ADGRB3: variants seen among roughly 807,000 people sequenced by gnomAD.
ADGRB3 encodes the protein adhesion G protein-coupled receptor B3.
ADGRB3 carries 37 observed loss-of-function variants against 193.4 expected under a neutral mutation model. The observed-to-expected ratio is 0.19, with a 90% CI of 0.15 to 0.25. The LOEUF (loss-of-function observed/expected upper bound fraction) is 0.25. Among genes scored for constraint, ADGRB3 ranks in the 10% least tolerant of loss-of-function variants. The probability of loss-of-function intolerance (pLI) is 1.00; values close to 1 mark genes in which losing one functional copy is unlikely to be tolerated. For missense variants in ADGRB3, 1,637 were observed against 1,852.9 expected (o/e 0.88, Z 2.14); for synonymous variants, 690 against 644.2 (o/e 1.07, Z -1.08).
intron 3 of ADGRB3, among the ~76,000 whole-genome samples, chr6:68,683,570 T>G (rs959060861): frequency 3.9e-5 from 6 of 152,156 alleles, no homozygotes; most frequent in Admixed American, 3.3e-4. Context: ...TTCTACAATA[T>G]GTATTGCTTT....
At chr6:69,011,969 C>T (rs936365653) in intron 11 of ADGRB3, among the ~76,000 whole-genome samples, 3 of 152,034 alleles carry the variant, frequency 2.0e-5, no homozygotes, top group Non-Finnish European at 4.4e-5. Context: ...CATTTGTTGG[C>T]CTTGAAGAAG....
At chr6:69,224,121 A>T (rs963352972) in intron 17 of ADGRB3, among the ~76,000 whole-genome samples, 2 of 152,070 alleles carry the variant, frequency 1.3e-5, no homozygotes, top group African/African-American at 4.8e-5. Context: ...TATATATTTC[A>T]TGTTTTTTCA....
intron 11 of ADGRB3, among the ~76,000 whole-genome samples, chr6:68,998,878 C>A (rs1421886297): frequency 6.6e-6 from 1 of 152,134 alleles, no homozygotes; most frequent in East Asian, 1.9e-4. Flanking sequence ...CCTCTAAGAT[C>A]CTATTCTTTC....
chr6:69,373,209 C>T (rs1769742537), intron 30 of ADGRB3, among the ~76,000 whole-genome samples: 1 of 151,914 alleles, frequency 6.6e-6, no homozygotes, highest in African/African-American at 2.4e-5. Context: ...TATATTTCTC[C>T]AGTATATTTG....
intron 17 of ADGRB3, among the ~76,000 whole-genome samples, chr6:69,130,757 T>A (rs1773987429): frequency 6.6e-6 from 1 of 152,008 alleles, no homozygotes; most frequent in South Asian, 2.1e-4. Context: ...CCAATGTGGA[T>A]CAGTATCTCA....
chr6:68,841,033 A>G (rs186154655), intron 3 of ADGRB3, among the ~76,000 whole-genome samples: 271 of 152,306 alleles, frequency 1.8e-3, no homozygotes, highest in African/African-American at 5.8e-3. Flanking sequence ...TAAAAGGGAT[A>G]ATTCATCCAG....
intron 8 of ADGRB3, among the ~76,000 whole-genome samples, chr6:68,966,036 A>G (rs951531273): frequency 1.3e-5 from 2 of 152,030 alleles, no homozygotes; most frequent in African/African-American, 2.4e-5. Context: ...ACTCAAAACT[A>G]TTTTCGGCAT....
At chr6:68,953,732 T>G (rs1767993213) in intron 6 of ADGRB3, among the ~76,000 whole-genome samples, 1 of 152,176 alleles carries the variant, frequency 6.6e-6, no homozygotes, top group Admixed American at 6.5e-5. Context: ...TCATAAAGGG[T>G]TTATTAAGTA....
intron 11 of ADGRB3, among the ~76,000 whole-genome samples, chr6:69,007,589 C>T (rs1057214194): frequency 6.6e-6 from 1 of 151,956 alleles, no homozygotes; most frequent in Non-Finnish European, 1.5e-5. Context: ...GTGTGGCTGT[C>T]TCTTTATTAT....
intron 6 of ADGRB3, among the ~76,000 whole-genome samples, chr6:68,951,635 G>A (rs1168168240): frequency 6.6e-6 from 1 of 152,116 alleles, no homozygotes; most frequent in African/African-American, 2.4e-5. Flanking sequence ...GAGTGTTTAC[G>A]TTTTCCCAGC....
At chr6:68,881,529 C>T (rs992272159) in intron 3 of ADGRB3, among the ~76,000 whole-genome samples, 2 of 152,112 alleles carry the variant, frequency 1.3e-5, no homozygotes, top group Non-Finnish European at 2.9e-5. Context: ...CATTCTTTCT[C>T]TTCTTGTAGT....
intron 17 of ADGRB3, among the ~76,000 whole-genome samples, chr6:69,139,875 A>C (rs1163823663): frequency 1.3e-5 from 2 of 152,226 alleles, no homozygotes; most frequent in African/African-American, 4.8e-5. Flanking sequence ...ATATTTTTCT[A>C]TTTTGAAGGT....
chr6:68,643,463 T>TTTTTTGG (rs1259604102), intron 3 of ADGRB3, among the ~76,000 whole-genome samples: 1 of 140,334 alleles, frequency 7.1e-6, no homozygotes, highest in Non-Finnish European at 1.5e-5. Context: ...TTTTTTTTCG[T>TTTTTTGG]ATGTCACTGC....
intron 17 of ADGRB3, among the ~76,000 whole-genome samples, chr6:69,155,787 G>A (rs1033944667): frequency 6.6e-6 from 1 of 152,158 alleles, no homozygotes; most frequent in Non-Finnish European, 1.5e-5. Flanking sequence ...AGAGAAGATA[G>A]TAGTTTGACA....
At chr6:69,030,437 A>G (rs907341670) in intron 13 of ADGRB3, among the ~76,000 whole-genome samples, 4 of 152,190 alleles carry the variant, frequency 2.6e-5, no homozygotes, top group Non-Finnish European at 5.9e-5. Flanking sequence ...GTGCAGCCAT[A>G]AAAAAGGATG....
At chr6:68,976,067 G>C (rs931828723) in intron 10 of ADGRB3, among the ~76,000 whole-genome samples, 19 of 152,230 alleles carry the variant, frequency 1.2e-4, no homozygotes, top group African/African-American at 4.6e-4. Context: ...ATATGAACAT[G>C]AGCCAACTGG....
At chr6:68,666,509 C>A (rs949919966) in intron 3 of ADGRB3, among the ~76,000 whole-genome samples, 4 of 151,780 alleles carry the variant, frequency 2.6e-5, no homozygotes, top group African/African-American at 2.4e-5. Flanking sequence ...AGAAGAAATG[C>A]TTTCTTCTGT....
At chr6:68,636,694 G>T (rs1413226486) in intron 1 of ADGRB3, among the ~76,000 whole-genome samples, 1 of 152,170 alleles carries the variant, frequency 6.6e-6, no homozygotes, top group East Asian at 1.9e-4. Flanking sequence ...AGGCATTAAA[G>T]TGAATTCAGA....
chr6:69,067,581 T>C (rs372352158), intron 16 of ADGRB3, among the ~76,000 whole-genome samples: 2 of 152,314 alleles, frequency 1.3e-5, no homozygotes, highest in South Asian at 4.1e-4. Context: ...AAAAGTTCAG[T>C]GTGTGCATCC....
Sources: allele counts gnomAD v4.1 joint callset (sites outside exome capture counted in the v4.1 genomes callset), GRCh38; gene constraint gnomAD v4.1.1; transcripts MANE v1.5; gene names NCBI Gene and HGNC (gene_info 2026-07-23, HGNC 2026-07-21).